MCC: variants seen among roughly 807,000 people sequenced by gnomAD.
The protein encoded by MCC is colorectal mutant cancer protein.
Under a neutral mutation model 116.2 loss-of-function variants are expected in MCC, and 90 were observed. That is an observed-to-expected ratio of 0.77 (90% CI 0.65 to 0.92). The LOEUF is 0.92. Ranked by LOEUF, MCC falls within the 40% of genes least tolerant of loss-of-function variation. The pLI, the probability that MCC is intolerant of heterozygous loss-of-function variation, is 0.00. For missense variants in MCC, 1,516 were observed against 1,312.2 expected, an observed-to-expected ratio of 1.16 and a Z score of -2.40; for synonymous variants, 578 against 510.5, an observed-to-expected ratio of 1.13 and a Z score of -1.78.
At chr5:113,370,156 T>G (rs1423104500) in intron 2 of MCC, among the ~76,000 whole-genome samples, 1 of 152,190 alleles carries the variant, frequency 6.6e-6, no homozygotes, top group African/African-American at 2.4e-5. Flanking sequence ...CAGTTGGCAA[T>G]GGAGGGAGAA....
chr5:113,087,901 A>G (rs1379941593), intron 8 of MCC, among the ~76,000 whole-genome samples: 1 of 152,190 alleles, frequency 6.6e-6, no homozygotes, highest in African/African-American at 2.4e-5. Context: ...AAAGTAAAAC[A>G]TGCTCACTGT....
At chr5:113,252,232 G>A (rs1260025267) in intron 3 of MCC, among the ~76,000 whole-genome samples, 14 of 151,642 alleles carry the variant, frequency 9.2e-5, no homozygotes, top group Admixed American at 9.2e-4. Flanking sequence ...GACCACAAGG[G>A]TCCCCAGCCC....
chr5:113,051,772 G>A (rs1376250217), intron 15 of MCC, among the ~76,000 whole-genome samples: 4 of 152,104 alleles, frequency 2.6e-5, no homozygotes, highest in Non-Finnish European at 5.9e-5. Context: ...GAATGGATTT[G>A]AAAAGGAACC....
chr5:113,239,182 T>C (rs1233281436), intron 3 of MCC, among the ~76,000 whole-genome samples: 1 of 152,234 alleles, frequency 6.6e-6, no homozygotes, highest in Non-Finnish European at 1.5e-5. Flanking sequence ...TGGACACCAT[T>C]AGTTGAAACA....
chr5:113,354,091 CTTA>C (rs1768349768), intron 2 of MCC, among the ~76,000 whole-genome samples: 1 of 152,172 alleles, frequency 6.6e-6, no homozygotes, highest in Admixed American at 6.5e-5. Context: ...ACATAAAAGA[CTTA>C]TTTCTCTGCA....
At chr5:113,225,619 T>G (rs539152423) in intron 3 of MCC, among the ~76,000 whole-genome samples, 2 of 152,192 alleles carry the variant, frequency 1.3e-5, no homozygotes, top group Non-Finnish European at 2.9e-5. Context: ...CTTCACCTCC[T>G]TGATCTTCTA....
chr5:113,410,309 A>G (rs1465541844), intron 1 of MCC, among the ~76,000 whole-genome samples: 7 of 152,224 alleles, frequency 4.6e-5, no homozygotes, highest in Admixed American at 3.9e-4. Context: ...AATGGATACA[A>G]TGGATATCCA....
At chr5:113,376,700 T>G (rs768693458) in intron 2 of MCC, among the ~76,000 whole-genome samples, 13 of 152,080 alleles carry the variant, frequency 8.5e-5, no homozygotes, top group Non-Finnish European at 1.6e-4. Flanking sequence ...AATGGGCATC[T>G]GTTATTTTTC....
chr5:113,278,874 C>T (rs984928539), intron 3 of MCC, among the ~76,000 whole-genome samples: 13 of 152,232 alleles, frequency 8.5e-5, no homozygotes, highest in African/African-American at 3.1e-4. Flanking sequence ...CCTTCATTCT[C>T]ACCACCATAT....
intron 3 of MCC, among the ~76,000 whole-genome samples, chr5:113,334,809 T>C (rs1298462538): frequency 6.6e-6 from 1 of 151,218 alleles, no homozygotes; most frequent in Non-Finnish European, 1.5e-5. Context: ...CAGGCTGGTC[T>C]TGAACTCCTG....
intron 8 of MCC, among the ~76,000 whole-genome samples, chr5:113,099,867 A>T (rs544966041): frequency 7.2e-5 from 11 of 152,352 alleles, no homozygotes; most frequent in Middle Eastern, 3.4e-3. Flanking sequence ...TACACCAAAG[A>T]CCAACAATTT....
intron 3 of MCC, among the ~76,000 whole-genome samples, chr5:113,199,103 G>A (rs748475428): frequency 2.0e-5 from 3 of 152,100 alleles, no homozygotes; most frequent in Non-Finnish European, 4.4e-5. Flanking sequence ...GGGAGGTGGA[G>A]GTTGCAGTGA....
chr5:113,252,070 C>A (rs1360980060), intron 3 of MCC, among the ~76,000 whole-genome samples: 1 of 152,184 alleles, frequency 6.6e-6, no homozygotes, highest in Non-Finnish European at 1.5e-5. Flanking sequence ...TTCTTTTCAC[C>A]ACAACCCTAT....
intron 1 of MCC, among the ~76,000 whole-genome samples, chr5:113,416,757 G>T (rs1712860678): frequency 6.6e-6 from 1 of 151,928 alleles, no homozygotes; most frequent in African/African-American, 2.4e-5. Context: ...CTGGAATTTT[G>T]TACCACATAC....
At chr5:113,419,765 T>G (rs111374120) in intron 1 of MCC, among the ~76,000 whole-genome samples, 44,304 of 148,392 alleles carry the variant, frequency 0.3, 8,556 homozygotes, top group African/African-American at 0.54. Context: ...GCAAACTATC[T>G]CAGGGACAAA....
At chr5:113,152,333 A>C (rs1029118992) in intron 3 of MCC, among the ~76,000 whole-genome samples, 1 of 152,324 alleles carries the variant, frequency 6.6e-6, no homozygotes, top group East Asian at 1.9e-4. Flanking sequence ...AGACCCGTTC[A>C]ACACACTGGT....
intron 3 of MCC, among the ~76,000 whole-genome samples, chr5:113,209,065 C>A (rs1197168949): frequency 1.3e-5 from 2 of 152,190 alleles, no homozygotes. Context: ...CTTCTATGTA[C>A]ATCATCTCTC....
chr5:113,242,289 T>C (rs1247419903), intron 3 of MCC, among the ~76,000 whole-genome samples: 1 of 152,236 alleles, frequency 6.6e-6, no homozygotes, highest in East Asian at 1.9e-4. Context: ...TACAAGGCAT[T>C]CATTCTAGTA....
intron 3 of MCC, among the ~76,000 whole-genome samples, chr5:113,216,898 T>A (rs1201164570): frequency 6.6e-6 from 1 of 152,202 alleles, no homozygotes; most frequent in Non-Finnish European, 1.5e-5. Context: ...AATTCCTCTA[T>A]CTCACAGGGT....
Sources: gnomAD v4.1 joint callset for allele counts (sites outside exome capture counted in the v4.1 genomes callset) on GRCh38, gnomAD v4.1.1 for gene constraint, MANE v1.5 for transcripts, NCBI Gene and HGNC (gene_info 2026-07-23, HGNC 2026-07-21) for gene names.